Variants in PDCD11 observed in about 807,000 individuals in gnomAD.
The protein encoded by PDCD11 is programmed cell death 11.
A neutral mutation model predicts 198.9 loss-of-function variants in PDCD11; 97 were observed. The ratio of observed to expected loss-of-function variants is 0.49; its 90% confidence interval spans 0.41 to 0.58. The LOEUF (loss-of-function observed/expected upper bound fraction) is 0.58. PDCD11 is among the 20% of genes least tolerant of loss of function. The probability of loss-of-function intolerance (pLI) is 0.00; values close to 1 mark genes in which losing one functional copy is unlikely to be tolerated. For missense variants in PDCD11, 2,102 were observed against 2,312.7 expected (o/e 0.91, Z 1.87); for synonymous variants, 893 against 918.0 (o/e 0.97, Z 0.49).
chr10:103,402,105 C>T (rs2030114663), intron 3 of PDCD11, among the ~76,000 whole-genome samples: 2 of 152,146 alleles, frequency 1.3e-5, no homozygotes, highest in South Asian at 4.1e-4. Context: ...TTTGAAAGTA[C>T]TGATAGCAGA....
In PDCD11 at chr10:103,438,039, C is replaced by G. The variant is rs901333447; in HGVS notation, c.3870C>G (p.Asp1290Glu). Reference protein sequence around the residue: ...VVRCYILSTADNVLTLSLRSS... With the variant: ...VVRCYILSTAENVLTLSLRSS... ...GATGTTACATCCTGTCCACTGCAGACAACGTATTGACTTTGTCGCTGCGAT... is the reference window on the plus strand; with the variant it reads ...GATGTTACATCCTGTCCACTGCAGAGAACGTATTGACTTTGTCGCTGCGAT... The change falls in exon 26 of 36, where the codon GAC becomes GAG. Residue 1290 changes from aspartate to glutamate, a missense_variant. By Grantham distance (45) the Asp-to-Glu change is conservative. Coordinates refer to ENST00000369797, the MANE Select transcript of PDCD11 (RefSeq NM_014976.2). The G allele has an allele frequency of 6.2e-7, 1 of 1,613,708 alleles. No homozygotes were observed. The highest frequency in any genetic ancestry group is 1.7e-5 in the Admixed American group (1 of 60,012).
chr10:103,439,559 A>G (rs1178262771), intron 27 of PDCD11, among the ~76,000 whole-genome samples, 187 bp from the exon 28 acceptor site: 1 of 152,202 alleles, frequency 6.6e-6, no homozygotes, highest in Non-Finnish European at 1.5e-5. Flanking sequence ...CCTCAATCAT[A>G]TCTTCATTAT....
chr10:103,419,795 A>C, intron 16 of PDCD11, 87 bp downstream of exon 16: 1 of 1,213,270 alleles, frequency 8.2e-7, no homozygotes, highest in Non-Finnish European at 1.2e-6. Context: ...AGGATACTTT[A>C]TTCCTTTTTT....
intron 5 of PDCD11, among the ~76,000 whole-genome samples, chr10:103,405,656 A>T (rs1181582637): frequency 6.6e-6 from 1 of 152,180 alleles, no homozygotes; most frequent in Non-Finnish European, 1.5e-5. Context: ...TCAGCCTTCC[A>T]AAATGCTGGG....
chr10:103,424,964 G>A lies in PDCD11; in HGVS notation c.2764-20G>A, dbSNP rs367691050. The A allele has an allele frequency of 6.2e-6, 10 of 1,611,634 alleles. No homozygotes were observed. The highest frequency in any genetic ancestry group is 2.7e-5 in the African/African-American group (2 of 74,862). The stretch of plus-strand genomic sequence containing the variant: ...ATGCTGTGTAAGGAAAGCAGGGATG[G>A]TGGCTTTTCTCTCTTCTAGCTGAGG... On this transcript the variant is annotated intron_variant, in intron 19 of 35. Coordinates refer to ENST00000369797, the MANE Select transcript of PDCD11 (RefSeq NM_014976.2).
chr10:103,401,760 C>G (rs1031632713), intron 3 of PDCD11, among the ~76,000 whole-genome samples: 1 of 150,236 alleles, frequency 6.7e-6, no homozygotes, highest in South Asian at 2.1e-4. Flanking sequence ...TTTTTTGAGA[C>G]GGAGTCTCGC....
intron 7 of PDCD11, among the ~76,000 whole-genome samples, chr10:103,408,544 T>C (rs1477209321): frequency 6.6e-6 from 1 of 151,990 alleles, no homozygotes; most frequent in Non-Finnish European, 1.5e-5. Context: ...TATAATTATT[T>C]ATTTATTTAT....
In PDCD11 at chr10:103,445,771, T is replaced by C. The variant is rs2032583724; in HGVS notation, c.*222T>C. ...TACCAACTTGTTATCTTTTTCCTTA[T>C]CTGAGGCTACCTGGGGATTGTGGGC... is the stretch of plus-strand genomic sequence containing the variant. On this transcript the variant is annotated 3_prime_UTR_variant, in exon 36 of 36. Transcript: ENST00000369797. 1 of 498,742 alleles carries C rather than the reference T, an allele frequency of 2.0e-6. No individual in the cohort carries two copies. Among genetic ancestry groups the C allele is most frequent in the African/African-American group, 1.9e-5 (1 of 52,098 alleles). 30.9% of individuals were successfully genotyped at this position (498,742 alleles called of 1,614,324 possible).
rs1177174487 is a variant in PDCD11 at position 103,434,825 on chromosome 10, T to C, written c.3695T>C (p.Val1232Ala). 1.2e-6 allele frequency: 2 copies of C among 1,610,306 alleles called. No homozygotes were observed. Among genetic ancestry groups the C allele is most frequent in the Admixed American group, 1.7e-5 (1 of 59,382 alleles). Residue 1232 changes from valine to alanine, a missense_variant, in exon 25 of 36, where the codon GTG becomes GCG. Coordinates refer to ENST00000369797, the MANE Select transcript of PDCD11 (RefSeq NM_014976.2). ...TGPHKLEEGE[V>A]AMGRVVKVTP... ...CCTCACAAGCTTGAGGAAGGGGAAG[T>C]GGCCATGGGCCGAGTGGTGAAGGTG...
chr10:103,417,732 T>C (rs908826922), intron 13 of PDCD11, 60 bp from the exon 14 acceptor site: 1 of 1,584,682 alleles, frequency 6.3e-7, no homozygotes, highest in African/African-American at 1.4e-5. Flanking sequence ...GGAGGGCACG[T>C]TGCAGGGCCT....
At chr10:103,441,688 A>C in intron 30 of PDCD11, 138 bp from the exon 31 acceptor site, 1 of 729,292 alleles carries the variant, frequency 1.4e-6, no homozygotes, top group South Asian at 1.9e-5. Flanking sequence ...GGGGCCTGGC[A>C]TGGCCTAGGA....
chr10:103,440,385 C>G lies in PDCD11; in HGVS notation c.4244C>G (p.Thr1415Arg). ...TCTGCTTCCTTGGAAGGGCAACTTA[C>G]AAAGCAAGAGGAGAGGAAAACAGAG... ...VLSASLEGQLTKQEERKTEAE... is the reference protein window; with the variant it reads ...VLSASLEGQLRKQEERKTEAE... Residue 1415 changes from threonine to arginine, a missense_variant, in exon 29 of 36, where the codon ACA becomes AGA. By Grantham distance (71) the Thr-to-Arg change is moderately conservative (BLOSUM62 -1). Transcript: ENST00000369797. 2 of 1,614,006 alleles carry G rather than the reference C, an allele frequency of 1.2e-6. No individual in the cohort carries two copies. The highest frequency in any genetic ancestry group is 1.7e-6 in the Non-Finnish European group (2 of 1,180,030).
Position 103,416,690 on chromosome 10 carries a change from A to G in PDCD11, c.1718A>G (p.Glu573Gly), listed in dbSNP as rs758135563. 1 of 1,614,216 alleles carries G rather than the reference A, an allele frequency of 6.2e-7. No individual in the cohort carries two copies. Among genetic ancestry groups the G allele is most frequent in the Admixed American group, 1.7e-5 (1 of 60,030 alleles). ...GTGCAGGGACTGGTGCCCAAGCATG[A>G]GCTCAGTACTGAGTATATCCCTGAC... is the stretch of plus-strand genomic sequence containing the variant. The part of the protein sequence containing the change: ...NNVQGLVPKH[E>G]LSTEYIPDPE... Residue 573 changes from glutamate (E) to glycine (G), a missense_variant, in exon 13 of 36, where the codon GAG (glutamate) becomes GGG (glycine). Coordinates refer to ENST00000369797, the MANE Select transcript of PDCD11 (RefSeq NM_014976.2).
chr10:103,418,375 A>G, intron 14 of PDCD11, 65 bp from the exon 15 acceptor site: 5 of 1,353,470 alleles, frequency 3.7e-6, no homozygotes, highest in Non-Finnish European at 5.2e-6. Context: ...AGCCCTGCCT[A>G]ATCCAGACCA....
intron 7 of PDCD11, among the ~76,000 whole-genome samples, chr10:103,408,791 C>G (rs1024809332): frequency 2.6e-5 from 4 of 152,188 alleles, no homozygotes; most frequent in African/African-American, 9.6e-5. Flanking sequence ...CCACCTGCCT[C>G]AGCCTCCCAG....
chr10:103,415,086 C>T lies in PDCD11; in HGVS notation c.1453C>T (p.Leu485=). 1 of 1,614,108 alleles carries T rather than the reference C, an allele frequency of 6.2e-7. No homozygotes were observed. The highest frequency in any genetic ancestry group is 8.5e-7 in the Non-Finnish European group (1 of 1,180,014). ...GAGGGGCCTGGTACCTCCCATGCAC[C>T]TGGCTGACATCCTGATGAAGAATCC... is the stretch of plus-strand genomic sequence containing the variant. ...QMRGLVPPMH[L]ADILMKNPEK... is the part of the protein sequence containing the mutation. Residue 485 remains leucine (L), a synonymous_variant, in exon 12 of 36, where the codon CTG becomes TTG. Transcript: ENST00000369797.
At chr10:103,422,860 A>C (rs1266903367) in intron 17 of PDCD11, 128 bp from the exon 18 acceptor site, 16 of 870,480 alleles carry the variant, frequency 1.8e-5, no homozygotes, top group Admixed American at 7.9e-5. Context: ...TTTTGCAAAA[A>C]GTGATTTTAC....
chr10:103,412,465 T>G (rs900865718), intron 8 of PDCD11, among the ~76,000 whole-genome samples: 2 of 152,016 alleles, frequency 1.3e-5, no homozygotes, highest in Non-Finnish European at 2.9e-5. Context: ...GGATTACAGG[T>G]GTGTGCCACC....
In PDCD11 at chr10:103,405,999, C is replaced by T. The variant is rs781158163; in HGVS notation, c.579C>T (p.Thr193=). 52 of 1,613,958 alleles carry T rather than the reference C, an allele frequency of 3.2e-5. No individual in the cohort carries two copies. The highest frequency in any genetic ancestry group is 2.2e-4 in the East Asian group (10 of 44,878). ...ALKPGMLLTG[T]VSSLEDHGYL... ...CTCTTCCCCAGCTACTTACAGGTACCGTATCCAGCCTGGAAGACCATGGCT... is the reference window on the plus strand; with the variant it reads ...CTCTTCCCCAGCTACTTACAGGTACTGTATCCAGCCTGGAAGACCATGGCT... The change falls in exon 6 of 36, where the codon ACC becomes ACT. Residue 193 remains threonine (T), a synonymous_variant. Transcript: ENST00000369797.
Sources: allele counts gnomAD v4.1 joint callset (sites outside exome capture counted in the v4.1 genomes callset), GRCh38; gene constraint gnomAD v4.1.1; transcripts MANE v1.5; gene names NCBI Gene and HGNC (gene_info 2026-07-23, HGNC 2026-07-21).